CCSER1: variants seen among roughly 807,000 people sequenced by gnomAD.
CCSER1 encodes the protein coiled-coil serine rich protein 1.
A neutral mutation model predicts 82.0 loss-of-function variants in CCSER1; 41 were observed. The ratio of observed to expected loss-of-function variants is 0.50; its 90% confidence interval spans 0.39 to 0.65. The LOEUF (loss-of-function observed/expected upper bound fraction) is 0.65. CCSER1 is among the 30% of genes least tolerant of loss of function. The pLI, the probability that CCSER1 is intolerant of heterozygous loss-of-function variation, is 0.00. For synonymous variants in CCSER1, 414 were observed against 383.9 expected, an observed-to-expected ratio of 1.08 and a Z score of -0.92; for missense variants, 1,119 against 1,064.2, an observed-to-expected ratio of 1.05 and a Z score of -0.72.
At chr4:90,973,474 CAT>C (rs1735313143) in intron 9 of CCSER1, among the ~76,000 whole-genome samples, 1 of 151,638 alleles carries the variant, frequency 6.6e-6, no homozygotes. Flanking sequence ...TCACTTAACA[CAT>C]GTTAAGATAA....
chr4:91,330,125 G>A (rs940849475), intron 10 of CCSER1, among the ~76,000 whole-genome samples: 7 of 151,864 alleles, frequency 4.6e-5, no homozygotes, highest in Non-Finnish European at 8.8e-5. Context: ...TTCCCTCTAA[G>A]TACTGCTTTT....
chr4:90,218,448 AC>A (rs1741515582), intron 1 of CCSER1, among the ~76,000 whole-genome samples: 1 of 152,336 alleles, frequency 6.6e-6, no homozygotes, highest in East Asian at 1.9e-4. Context: ...TTGCACGTGT[AC>A]CCCTGAATTT....
chr4:91,341,796 C>T (rs190597803), intron 10 of CCSER1, among the ~76,000 whole-genome samples: 45 of 152,262 alleles, frequency 3.0e-4, no homozygotes, highest in Admixed American at 6.5e-4. Context: ...CTCGGTCTTC[C>T]GAAGTGCTGG....
intron 5 of CCSER1, among the ~76,000 whole-genome samples, chr4:90,618,000 C>T (rs1721614875): frequency 6.6e-6 from 1 of 151,864 alleles, no homozygotes; most frequent in Non-Finnish European, 1.5e-5. Flanking sequence ...TTTTGGAATC[C>T]TTGACTTGGT....
intron 8 of CCSER1, chr4:90,839,029 G>C: frequency 6.2e-7 from 1 of 1,612,356 alleles, no homozygotes; most frequent in South Asian, 1.1e-5. Context: ...TATCGGGTTT[G>C]TCAGACATGG....
intron 9 of CCSER1, among the ~76,000 whole-genome samples, chr4:90,983,779 A>G (rs1736339959): frequency 6.6e-6 from 1 of 151,722 alleles, no homozygotes. Context: ...ACACTCAGGC[A>G]TTTTTCTAGT....
At chr4:91,320,867 A>G (rs1241229705) in intron 10 of CCSER1, among the ~76,000 whole-genome samples, 1 of 152,076 alleles carries the variant, frequency 6.6e-6, no homozygotes, top group Non-Finnish European at 1.5e-5. Flanking sequence ...GGTTCAGTCT[A>G]TACTATAATC....
chr4:90,357,935 A>C (rs759051065), intron 3 of CCSER1, among the ~76,000 whole-genome samples: 1 of 151,990 alleles, frequency 6.6e-6, no homozygotes, highest in African/African-American at 2.4e-5. Flanking sequence ...AAGAAAAAAT[A>C]GTTACTCCTG....
chr4:90,786,271 G>A (rs910727778), intron 7 of CCSER1, among the ~76,000 whole-genome samples: 1 of 152,188 alleles, frequency 6.6e-6, no homozygotes, highest in African/African-American at 2.4e-5. Context: ...GGTGAACTAT[G>A]TGTTCTAATA....
chr4:90,244,290 G>A (rs1721032735), intron 1 of CCSER1, among the ~76,000 whole-genome samples: 1 of 152,172 alleles, frequency 6.6e-6, no homozygotes. Context: ...TTGGCAAGAT[G>A]AGTCTGTTTT....
chr4:90,319,317 A>C (rs1736706576), intron 3 of CCSER1, among the ~76,000 whole-genome samples: 1 of 152,098 alleles, frequency 6.6e-6, no homozygotes, highest in African/African-American at 2.4e-5. Context: ...ACACCTTCAC[A>C]CTTCTGTTTC....
At chr4:90,832,705 C>T (rs1024570954) in intron 8 of CCSER1, among the ~76,000 whole-genome samples, 5 of 152,128 alleles carry the variant, frequency 3.3e-5, no homozygotes, top group Non-Finnish European at 7.4e-5. Context: ...AAAATCCACA[C>T]CAAAGGATGC....
At chr4:91,486,384 C>T (rs1204791957) in intron 10 of CCSER1, among the ~76,000 whole-genome samples, 1 of 151,892 alleles carries the variant, frequency 6.6e-6, no homozygotes, top group Admixed American at 6.6e-5. Context: ...ATTAGAGACA[C>T]TTTTTTGAAA....
chr4:90,865,100 A>G (rs1765571425), intron 8 of CCSER1, among the ~76,000 whole-genome samples: 3 of 151,944 alleles, frequency 2.0e-5, no homozygotes, highest in Non-Finnish European at 2.9e-5. Flanking sequence ...TTGTCAGTTG[A>G]CTATTTTAGC....
chr4:90,734,855 T>C (rs1226433029), intron 7 of CCSER1, among the ~76,000 whole-genome samples: 1 of 152,198 alleles, frequency 6.6e-6, no homozygotes, highest in African/African-American at 2.4e-5. Flanking sequence ...CTTCCAGCAC[T>C]ATATTGAATA....
Position 91,240,138 on chromosome 4 carries a change from C to G in CCSER1, c.2217+154144C>G, listed in dbSNP as rs1262742209. On this transcript the variant is annotated intron_variant, in intron 10 of 10. Transcript: ENST00000509176. Reference sequence around the variant, plus strand: ...TCGCCCAGGCTGGAGTGCAGTGGCACGATCTTGGCTCACTGCAAGCTCCGC... The same window carrying G: ...TCGCCCAGGCTGGAGTGCAGTGGCAGGATCTTGGCTCACTGCAAGCTCCGC... Among the ~76,000 whole-genome samples, 4 of 55,186 alleles carry G rather than the reference C, an allele frequency of 7.2e-5. 1 individual carries two copies. The highest frequency in any genetic ancestry group is 1.3e-4 in the Non-Finnish European group (4 of 30,942). The allele number at this position is 55,186 out of a possible 152,430, so 36.2% of individuals were successfully genotyped here. A position where few individuals can be genotyped will look rare whatever the true frequency, so the allele number is the denominator to read the frequency against.
At chr4:91,114,104 G>A (rs1034402030) in intron 10 of CCSER1, among the ~76,000 whole-genome samples, 3 of 152,020 alleles carry the variant, frequency 2.0e-5, no homozygotes, top group Admixed American at 6.6e-5. Context: ...CGCCCGTCTC[G>A]GCCTCCCGAA....
chr4:90,324,635 A>G (rs1015801413), intron 3 of CCSER1, among the ~76,000 whole-genome samples: 256 of 150,032 alleles, frequency 1.7e-3, no homozygotes, highest in African/African-American at 5.8e-3. Context: ...GTTCACTCTG[A>G]TGGTAGTTTC....
chr4:90,306,706 A>T (rs532130947), intron 1 of CCSER1, among the ~76,000 whole-genome samples: 7 of 152,312 alleles, frequency 4.6e-5, no homozygotes, highest in African/African-American at 1.7e-4. Context: ...AAAATAGAGG[A>T]TTTTAAATTT....
Sources: allele counts gnomAD v4.1 joint callset (sites outside exome capture counted in the v4.1 genomes callset), GRCh38; gene constraint gnomAD v4.1.1; transcripts MANE v1.5; gene names NCBI Gene and HGNC (gene_info 2026-07-23, HGNC 2026-07-21).